Variants in UBR3 observed in about 807,000 individuals in gnomAD.
UBR3 encodes the protein ubiquitin protein ligase E3 component n-recognin 3, also known as E3 ubiquitin-protein ligase UBR3.
Under a neutral mutation model 243.2 loss-of-function variants are expected in UBR3, and 85 were observed. The observed-to-expected ratio is 0.35, with a 90% CI of 0.29 to 0.42. The LOEUF (loss-of-function observed/expected upper bound fraction) is 0.42, where lower values mean the gene tolerates loss of function less well. Ranked by LOEUF, UBR3 falls within the 10% of genes least tolerant of loss-of-function variation. The probability of loss-of-function intolerance (pLI) is 1.00; values close to 1 mark genes in which losing one functional copy is unlikely to be tolerated. For synonymous variants in UBR3, 748 were observed against 799.8 expected, an observed-to-expected ratio of 0.94 and a Z score of 1.09; for missense variants, 1,686 against 2,300.8, an observed-to-expected ratio of 0.73 and a Z score of 5.47.
At chr2:169,866,151 A>T (rs2083251579) in intron 1 of UBR3, among the ~76,000 whole-genome samples, 1 of 17,000 alleles carries the variant, frequency 5.9e-5, no homozygotes, top group Admixed American at 7.9e-4. Context: ...ACTGTGTCTC[A>T]AAAAAAAAAA....
intron 33 of UBR3, among the ~76,000 whole-genome samples, chr2:170,056,402 A>G (rs1297971896): frequency 6.6e-6 from 1 of 152,198 alleles, no homozygotes; most frequent in Non-Finnish European, 1.5e-5. Flanking sequence ...AACTCAGTTT[A>G]AGCTAAATTA....
At chr2:170,067,689 CAGAT>C (rs559916072) in intron 35 of UBR3, among the ~76,000 whole-genome samples, 150 of 151,694 alleles carry the variant, frequency 9.9e-4, no homozygotes, top group South Asian at 2.3e-3. Flanking sequence ...AAATTAATAA[CAGAT>C]AGAAAATCAT....
intron 1 of UBR3, among the ~76,000 whole-genome samples, chr2:169,847,316 T>A (rs910432365): frequency 1.3e-5 from 2 of 152,192 alleles, no homozygotes; most frequent in South Asian, 2.1e-4. Flanking sequence ...TCAGACTTTT[T>A]AAAATGTTTC....
rs1164147782 is a variant in UBR3 at position 169,877,602 on chromosome 2, A to C, written c.953A>C (p.Glu318Ala). 1 of 1,548,772 alleles carries C rather than the reference A, an allele frequency of 6.5e-7. No individual in the cohort carries two copies. ...GATAAGCTTGTATATGGTGTGCAGGAGCCATCTGCTGGTACTAGTTCTCTG... is the reference window on the plus strand; with the variant it reads ...GATAAGCTTGTATATGGTGTGCAGGCGCCATCTGCTGGTACTAGTTCTCTG... Reference protein sequence around the residue: ...PEDKLVYGVQEPSAGTSSLAV... With the variant: ...PEDKLVYGVQAPSAGTSSLAV... Residue 318 changes from glutamate to alanine, a missense_variant, in exon 4 of 39, where the codon GAG (glutamate) becomes GCG (alanine). Glu to Ala is a moderately radical substitution (Grantham distance 107, BLOSUM62 -1). Coordinates refer to ENST00000272793, the MANE Select transcript of UBR3 (RefSeq NM_172070.4).
intron 35 of UBR3, among the ~76,000 whole-genome samples, chr2:170,064,390 CTACT>C (rs1303912968): frequency 6.6e-6 from 1 of 151,786 alleles, no homozygotes; most frequent in Non-Finnish European, 1.5e-5. Flanking sequence ...ATATACACAC[CTACT>C]ATGTACCCAC....
chr2:170,068,012 C>T lies in UBR3; in HGVS notation c.5020-5416C>T, dbSNP rs552866309. Reference sequence around the variant, plus strand: ...CTTGAACTCCTGACCTCAAGTGATCCATCCACCTTGGCCTCCCAAAGTGCT... The same window carrying T: ...CTTGAACTCCTGACCTCAAGTGATCTATCCACCTTGGCCTCCCAAAGTGCT... On this transcript the variant is annotated intron_variant, in intron 35 of 38. Transcript: ENST00000272793. Among the ~76,000 whole-genome samples the T allele has an allele frequency of 2.0e-5, 3 of 152,072 alleles. No homozygotes were observed. In the South Asian group the frequency reaches 6.2e-4, roughly 32 times the overall value.
chr2:169,877,744 A>G (rs1211126141), intron 4 of UBR3, 107 bp downstream of exon 4: 26 of 1,106,204 alleles, frequency 2.4e-5, no homozygotes, highest in Non-Finnish European at 3.1e-5. Context: ...GAACTAAAAC[A>G]GTATTATTCT....
intron 24 of UBR3, among the ~76,000 whole-genome samples, chr2:169,979,360 T>C (rs2088613617): frequency 6.6e-6 from 1 of 152,222 alleles, no homozygotes. Flanking sequence ...AAAGCTAAGC[T>C]TAATCTTACC....
chr2:169,900,696 G>A (rs1057488470), intron 8 of UBR3, among the ~76,000 whole-genome samples: 4 of 151,118 alleles, frequency 2.6e-5, no homozygotes, highest in African/African-American at 9.7e-5. Context: ...TTTGCATTTG[G>A]CCTTTAAGGG....
At chr2:169,928,920 G>T in intron 18 of UBR3, 52 bp downstream of exon 18, 1 of 1,285,322 alleles carries the variant, frequency 7.8e-7, no homozygotes, top group Non-Finnish European at 1.0e-6. Context: ...CTTGAATGGT[G>T]AATTCTTCTG....
At chr2:170,011,037 C>T (rs1045506249) in intron 29 of UBR3, among the ~76,000 whole-genome samples, 1 of 152,028 alleles carries the variant, frequency 6.6e-6, no homozygotes, top group Non-Finnish European at 1.5e-5. Context: ...TGGTGGCACA[C>T]ATCTGTAGTC....
intron 1 of UBR3, among the ~76,000 whole-genome samples, chr2:169,863,000 A>G (rs2083141982): frequency 6.6e-6 from 1 of 152,182 alleles, no homozygotes; most frequent in African/African-American, 2.4e-5. Context: ...TGAGAATGGG[A>G]TGTTCTTGCC....
At chr2:169,958,145 A>T (rs2087398615) in intron 23 of UBR3, among the ~76,000 whole-genome samples, 1 of 152,166 alleles carries the variant, frequency 6.6e-6, no homozygotes, top group African/African-American at 2.4e-5. Flanking sequence ...ATACTTAGGA[A>T]CTTGTGTTAT....
At chr2:169,997,880 A>G (rs1020851010) in intron 26 of UBR3, among the ~76,000 whole-genome samples, 9 of 152,132 alleles carry the variant, frequency 5.9e-5, no homozygotes, top group Non-Finnish European at 1.0e-4. Flanking sequence ...TAAAAGCACC[A>G]TTTGATTTTC....
In UBR3 at chr2:170,082,009, G is replaced by T; in HGVS notation, c.*166G>T. The T allele has an allele frequency of 2.3e-6, 1 of 437,120 alleles. No individual in the cohort carries two copies. Among genetic ancestry groups the T allele is most frequent in the South Asian group, 9.4e-5 (1 of 10,600 alleles). The allele number at this position is 437,120 out of a possible 1,614,324, so 27.1% of individuals were successfully genotyped here. ...TAGGTGCTTGGTAATCACGTTAATG[G>T]TATAATTTTTTTTTTTTAATATCTG... On this transcript the variant is annotated 3_prime_UTR_variant, in exon 39 of 39. Transcript: ENST00000272793.
chr2:169,937,662 T>C (rs2086397303), intron 19 of UBR3, among the ~76,000 whole-genome samples: 1 of 152,220 alleles, frequency 6.6e-6, no homozygotes, highest in Non-Finnish European at 1.5e-5. Flanking sequence ...AAGTCTTTAA[T>C]CCATCTAAGA....
chr2:169,830,558 C>T (rs2081899629), intron 1 of UBR3, among the ~76,000 whole-genome samples: 1 of 152,126 alleles, frequency 6.6e-6, no homozygotes, highest in Non-Finnish European at 1.5e-5. Context: ...ATGCTGGCTC[C>T]AGGGCTCTGG....
At chr2:170,038,905 A>T (rs1418703981) in intron 31 of UBR3, among the ~76,000 whole-genome samples, 1 of 152,012 alleles carries the variant, frequency 6.6e-6, no homozygotes, top group Non-Finnish European at 1.5e-5. Flanking sequence ...GCGTATAGAG[A>T]GAAAGATTAT....
intron 6 of UBR3, among the ~76,000 whole-genome samples, chr2:169,892,447 A>G (rs2084412861): frequency 1.3e-5 from 2 of 152,192 alleles, no homozygotes; most frequent in African/African-American, 2.4e-5. Context: ...CTCTGACTGA[A>G]GATACTTTTT....
Sources: allele counts gnomAD v4.1 joint callset (sites outside exome capture counted in the v4.1 genomes callset), GRCh38; gene constraint gnomAD v4.1.1; transcripts MANE v1.5; gene names NCBI Gene and HGNC (gene_info 2026-07-23, HGNC 2026-07-21).